Variants in SPTB observed in about 807,000 individuals in gnomAD.
SPTB encodes spectrin beta chain, erythrocytic.
A neutral mutation model predicts 256.2 loss-of-function variants in SPTB; 45 were observed. The ratio of observed to expected loss-of-function variants is 0.18; its 90% CI spans 0.14 to 0.23. SPTB has a LOEUF of 0.23. Among genes scored for constraint, SPTB ranks in the 10% least tolerant of loss-of-function variants. SPTB has a pLI of 1.00. For synonymous variants in SPTB, 1,231 were observed against 1,243.1 expected (o/e 0.99, Z 0.21); for missense variants, 2,715 against 3,040.4 (o/e 0.89, Z 2.52).
Position 64,747,334 on chromosome 14 carries a change from T to G in SPTB, c.*1972A>C, listed in dbSNP as rs2081862460. On this transcript the variant is annotated 3_prime_UTR_variant, in exon 36 of 36. Transcript: ENST00000644917. ...CCCCAGAGGAGGACATGCCTGCAAG[T>G]GCACCAAAGGCCTACTTTATTGCTA... 6.5e-6 allele frequency: 1 copy of G among 152,808 alleles called. No homozygotes were observed. Among genetic ancestry groups the G allele is most frequent in the South Asian group, 2.1e-4 (1 of 4,832 alleles). 9.5% of individuals were successfully genotyped at this position (152,808 alleles called of 1,614,324 possible).
rs1307740426 is a variant in SPTB, at chr14:64,807,889, G to A, written c.149-2799C>T. Among the ~76,000 whole-genome samples the A allele has an allele frequency of 6.6e-6, 1 of 152,226 alleles. No homozygotes were observed. Among genetic ancestry groups the A allele is most frequent in the East Asian group, 1.9e-4 (1 of 5,190 alleles). Reference sequence around the variant, plus strand: ...ACCATGGGAAGGAGGCCTCAGCACAGCCCTGCCAGGAGCCAGGCCTTATTT... The same window carrying A: ...ACCATGGGAAGGAGGCCTCAGCACAACCCTGCCAGGAGCCAGGCCTTATTT... On this transcript the variant is annotated intron_variant, in intron 2 of 35. Transcript: ENST00000644917. This position sits in a 1 kb window ranked among gnomAD's most constrained non-coding sequence, Gnocchi z 4.7.
rs1271243577 is a variant in SPTB, at chr14:64,853,952, G to A, written c.-52+25840C>T. Reference sequence around the variant, plus strand: ...CACGCCTGTAATCCCAGTACTTTGGGAGACCGAGGCAGGTAGATCACCTGA... The same window carrying A: ...CACGCCTGTAATCCCAGTACTTTGGAAGACCGAGGCAGGTAGATCACCTGA... On this transcript the variant is annotated intron_variant, in intron 1 of 35. Transcript: ENST00000644917. The surrounding 1 kb of genome is among the most constrained non-coding windows in gnomAD (Gnocchi z 4.3). Among the ~76,000 whole-genome samples the A allele has an allele frequency of 6.6e-6, 1 of 152,190 alleles. No individual in the cohort carries two copies. The highest frequency in any genetic ancestry group is 1.9e-4 in the East Asian group (1 of 5,186).
rs1356047132 is a variant in SPTB at position 64,775,317 on chromosome 14, G to A, written c.4650C>T (p.Ile1550=). 6 of 1,612,970 alleles carry A rather than the reference G, an allele frequency of 3.7e-6. No individual in the cohort carries two copies. Among genetic ancestry groups the A allele is most frequent in the Non-Finnish European group, 3.4e-6 (4 of 1,179,660 alleles). ...GGCGCTCCTCAAGGTCCTGGCAGTCGATCTCCGCCGCCTCCACCAGCTGCT... is the reference window on the plus strand; with the variant it reads ...GGCGCTCCTCAAGGTCCTGGCAGTCAATCTCCGCCGCCTCCACCAGCTGCT... ...RGQQLVEAAE[I]DCQDLEERLG... Residue 1550 remains isoleucine (I), a synonymous_variant, in exon 23 of 36, where the codon ATC becomes ATT. Coordinates refer to ENST00000644917, the MANE Select transcript of SPTB (RefSeq NM_001355436.2). The surrounding 1 kb of genome is among the most constrained non-coding windows in gnomAD (Gnocchi z 5.0).
Position 64,799,836 on chromosome 14 carries a change from C to T in SPTB, c.975G>A (p.Leu325=). 2 of 1,614,222 alleles carry T rather than the reference C, an allele frequency of 1.2e-6. No homozygotes were observed. Among genetic ancestry groups the T allele is most frequent in the South Asian group, 2.2e-5 (2 of 91,084 alleles). Residue 325 remains leucine, a synonymous_variant, in exon 9 of 36, where the codon CTG becomes CTA. Coordinates refer to ENST00000644917, the MANE Select transcript of SPTB (RefSeq NM_001355436.2). The part of the protein sequence containing the change: ...LTWIEQTITV[L]NSRKFANSLT... ...GCGAGTTGGCAAACTTGCGGCTGTT[C>T]AGGACAGTGATGGTCTGCTCGATCC...
Position 64,753,528 on chromosome 14 carries a change from C to T in SPTB, c.6602+9G>A, listed in dbSNP as rs190896895. On this transcript the variant is annotated intron_variant, in intron 33 of 35. Transcript: ENST00000644917. ...CCTACCCTCAGCCAGCAGCCTCTCCCGCACTCACCTGTTGGAAGCCTTCTT... is the reference window on the plus strand; with the variant it reads ...CCTACCCTCAGCCAGCAGCCTCTCCTGCACTCACCTGTTGGAAGCCTTCTT... 313 of 1,613,366 alleles carry T rather than the reference C, an allele frequency of 1.9e-4. No individual in the cohort carries two copies. Among genetic ancestry groups the T allele is most frequent in the Middle Eastern group, 5.0e-4 (3 of 6,030 alleles).
At chr14:64,801,183 C>T (rs170736) in intron 7 of SPTB, 102 bp downstream of exon 7, 224,715 of 1,010,564 alleles carry the variant, frequency 0.22, 27,710 homozygotes, top group African/African-American at 0.43. Flanking sequence ...TTGCCCAGCA[C>T]CTGGGCCGGC....
In SPTB at chr14:64,794,479, T is replaced by A; in HGVS notation, c.1783A>T (p.Thr595Ser). The A allele has an allele frequency of 1.2e-6, 2 of 1,614,144 alleles. No homozygotes were observed. The change falls in exon 13 of 36, where the codon ACC becomes TCC. Residue 595 changes from threonine to serine, a missense_variant. Physicochemically the swap from Thr to Ser is moderately conservative, Grantham distance 58. This residue lies in a region of SPTB where 2,239 missense variants were observed against 2,384.4 expected (regional missense o/e 0.94). Coordinates refer to ENST00000644917, the MANE Select transcript of SPTB (RefSeq NM_001355436.2). The part of the protein sequence containing the change: ...KAITAATLKF[T>S]EGKGYQPCDP... Reference sequence around the variant, plus strand: ...GACTTGGTCTCACCTTTCCCCTCGGTGAACTTCAGGGTGGCTGCGGTGATG... The same window carrying A: ...GACTTGGTCTCACCTTTCCCCTCGGAGAACTTCAGGGTGGCTGCGGTGATG...
rs201195123 is a variant in SPTB at position 64,868,323 on chromosome 14, GA to G, written c.-52+11468del. On this transcript the variant is annotated intron_variant, in intron 1 of 35. Coordinates refer to ENST00000644917, the MANE Select transcript of SPTB (RefSeq NM_001355436.2). ...CAAGTAGATGTGGAAGTATGGGGGG[GA>G]AAAGAAAGACCAAAAATGGTGTGAG... Among the ~76,000 whole-genome samples the G allele has an allele frequency of 2.5e-4, 38 of 152,156 alleles. 1 individual carries two copies. In the East Asian group the frequency reaches 7.3e-3, roughly 29 times the overall value.
At chr14:64,834,548 C>T (rs1490582532) in intron 1 of SPTB, among the ~76,000 whole-genome samples, 2 of 152,100 alleles carry the variant, frequency 1.3e-5, no homozygotes, top group Non-Finnish European at 2.9e-5. Context: ...ACCTCAGCCT[C>T]CCAAGCGTCT....
Position 64,793,379 on chromosome 14 carries a change from C to G in SPTB, c.2284G>C (p.Ala762Pro). 2 of 1,612,770 alleles carry G rather than the reference C, an allele frequency of 1.2e-6. No homozygotes were observed. The highest frequency in any genetic ancestry group is 1.7e-5 in the Admixed American group (1 of 60,036). ...TCTTCACCAGAGAGCAGCCGGTGGGCGTCTTGCAGCCAAGCCTTCAGGTCA... is the reference window on the plus strand; with the variant it reads ...TCTTCACCAGAGAGCAGCCGGTGGGGGTCTTGCAGCCAAGCCTTCAGGTCA... ...ADDLKAWLQDAHRLLSGEDVG... is the reference protein window; with the variant it reads ...ADDLKAWLQDPHRLLSGEDVG... The change falls in exon 14 of 36, where the codon GCC (alanine) becomes CCC (proline). Residue 762 changes from alanine (A) to proline (P), a missense_variant. Around this residue, in one of 4 missense-constraint regions of SPTB, gnomAD observed 2,239 missense variants for 2,384.4 expected, o/e 0.94. Coordinates refer to ENST00000644917, the MANE Select transcript of SPTB (RefSeq NM_001355436.2). This position sits in a 1 kb window ranked among gnomAD's most constrained non-coding sequence, Gnocchi z 7.0.
chr14:64,779,230 C>T lies in SPTB; in HGVS notation c.4490G>A (p.Arg1497Lys). The change falls in exon 22 of 36, where the codon AGG (arginine) becomes AAG (lysine). Residue 1497 changes from arginine (R) to lysine (K), a missense_variant. Coordinates refer to ENST00000644917, the MANE Select transcript of SPTB (RefSeq NM_001355436.2). The surrounding 1 kb of genome is among the most constrained non-coding windows in gnomAD (Gnocchi z 4.2). ...LEDETLWVEE[R>K]LPLAQSADYG... ...GTCGGCTGACTGGGCCAGAGGCAGC[C>T]TCTCCTCCACCCAAAGCTGCAGAGA... The T allele has an allele frequency of 6.2e-7, 1 of 1,613,758 alleles. No homozygotes were observed. The highest frequency in any genetic ancestry group is 8.5e-7 in the Non-Finnish European group (1 of 1,179,850).
In SPTB at chr14:64,800,939, C is replaced by A. The variant is rs868526964; in HGVS notation, c.764-71G>T. On this transcript the variant is annotated intron_variant, in intron 7 of 35. Transcript: ENST00000644917. ...GAAAGTCAGGCTCAGAGGGTTTATT[C>A]CCCATTCCTCCAGCATCAAGTTCAA... is the stretch of plus-strand genomic sequence containing the variant. 80 of 1,170,336 alleles carry A rather than the reference C, an allele frequency of 6.8e-5. 1 individual carries two copies. The Middle Eastern group carries it at 7.6e-4, about 11-fold the overall frequency. The allele number at this position is 1,170,336 out of a possible 1,614,324, so 72.5% of individuals were successfully genotyped here.
Position 64,873,586 on chromosome 14 carries a change from T to G in SPTB, c.-52+6206A>C, listed in dbSNP as rs138601642. Among the ~76,000 whole-genome samples the G allele has an allele frequency of 6.1e-3, 936 of 152,308 alleles. 5 individuals carry two copies. Among genetic ancestry groups the G allele is most frequent in the Non-Finnish European group, 9.7e-3 (659 of 68,024 alleles). On this transcript the variant is annotated intron_variant, in intron 1 of 35. Transcript: ENST00000644917. This position sits in a 1 kb window ranked among gnomAD's most constrained non-coding sequence, Gnocchi z 4.3. ...ATCTGTGCATACTCTGGAGGGCCAT[T>G]CTTGAGGTTCTGTGGCTATGGTAAA...
At chr14:64,822,779 A>T (rs2083316065) in intron 2 of SPTB, among the ~76,000 whole-genome samples, 168 bp downstream of exon 2, 1 of 152,122 alleles carries the variant, frequency 6.6e-6, no homozygotes, top group African/African-American at 2.4e-5. Context: ...AGGCTGCCTG[A>T]GCTCCCTCCC....
At chr14:64,776,360 C>A (rs1190211460) in intron 22 of SPTB, among the ~76,000 whole-genome samples, 1 of 152,228 alleles carries the variant, frequency 6.6e-6, no homozygotes, top group African/African-American at 2.4e-5. Context: ...ATAGTCTCTG[C>A]AGTTGCATTC....
chr14:64,750,243 C>A lies in SPTB; in HGVS notation c.6603-89G>T, dbSNP rs77740829. The A allele has an allele frequency of 8.9e-3, 12,090 of 1,358,560 alleles. 75 individuals are homozygous for A. The highest frequency in any genetic ancestry group is 0.019 in the Middle Eastern group (101 of 5,268). 84.2% of individuals were successfully genotyped at this position (1,358,560 alleles called of 1,614,324 possible). A position where few individuals can be genotyped will look rare whatever the true frequency, so the allele number is the denominator to read the frequency against. ...ATAGCTTCACCATTAAAAAAAATTA[C>A]ACCATGTTTGTTCTGATACATAGTA... On this transcript the variant is annotated intron_variant, in intron 33 of 35. Coordinates refer to ENST00000644917, the MANE Select transcript of SPTB (RefSeq NM_001355436.2).
intron 32 of SPTB, among the ~76,000 whole-genome samples, chr14:64,766,089 C>A (rs1454850508): frequency 8.9e-6 from 1 of 112,830 alleles, no homozygotes; most frequent in Non-Finnish European, 1.8e-5. Flanking sequence ...TATGAGTATG[C>A]GTGTGTGGGT....
In SPTB at chr14:64,873,210, T is replaced by C. The variant is rs1247348867; in HGVS notation, c.-52+6582A>G. Among the ~76,000 whole-genome samples the C allele has an allele frequency of 6.6e-6, 1 of 152,238 alleles. No individual in the cohort carries two copies. Among genetic ancestry groups the C allele is most frequent in the African/African-American group, 2.4e-5 (1 of 41,462 alleles). On this transcript the variant is annotated intron_variant, in intron 1 of 35. Coordinates refer to ENST00000644917, the MANE Select transcript of SPTB (RefSeq NM_001355436.2). This position sits in a 1 kb window ranked among gnomAD's most constrained non-coding sequence, Gnocchi z 4.3. ...CACTTGAAATTACAATATATATTTT[T>C]GTCTGTTGCTTGTCATTTAGTTCCT...
In SPTB at chr14:64,748,073, G is replaced by C. The variant is rs1486733229; in HGVS notation, c.*1233C>G. 1 of 152,224 alleles carries C rather than the reference G, an allele frequency of 6.6e-6. No homozygotes were observed. The highest frequency in any genetic ancestry group is 1.5e-5 in the Non-Finnish European group (1 of 68,120). 9.4% of individuals were successfully genotyped at this position (152,224 alleles called of 1,614,324 possible). A position where few individuals can be genotyped will look rare whatever the true frequency, so the allele number is the denominator to read the frequency against. The stretch of plus-strand genomic sequence containing the variant: ...CCCCGCCAAGACCTGGGGCCAGGAC[G>C]TGGAGAAGCTGATCAAGGGGTACCA... On this transcript the variant is annotated 3_prime_UTR_variant, in exon 36 of 36. Transcript: ENST00000644917.
Sources: allele counts gnomAD v4.1 joint callset (sites outside exome capture counted in the v4.1 genomes callset), GRCh38; gene constraint gnomAD v4.1.1; regional missense constraint gnomAD v4.1.1; non-coding constraint Gnocchi (gnomAD v3.1); transcripts MANE v1.5; gene names NCBI Gene and HGNC (gene_info 2026-07-23, HGNC 2026-07-21).